Variants in WDPCP observed in about 807,000 individuals in gnomAD.
WDPCP encodes the protein WD repeat-containing and planar cell polarity effector protein fritz homolog.
WDPCP carries 71 observed loss-of-function variants against 93.1 expected under a neutral mutation model. The observed-to-expected ratio is 0.76, with a 90% confidence interval of 0.63 to 0.93. The LOEUF (loss-of-function observed/expected upper bound fraction) is 0.93, where lower values mean the gene tolerates loss of function less well. Among genes scored for constraint, WDPCP ranks in the 40% least tolerant of loss-of-function variants. The probability of loss-of-function intolerance (pLI) is 0.00; values close to 1 mark genes in which losing one functional copy is unlikely to be tolerated. For synonymous variants in WDPCP, 315 were observed against 315.0 expected (o/e 1.00, Z 0.00); for missense variants, 844 against 887.4 (o/e 0.95, Z 0.62).
At position 63,502,386 on chromosome 2, in the gene WDPCP, T is replaced by C. The variant is rs543788514; in HGVS notation, c.76-9446A>G. On this transcript the variant is annotated intron_variant, in intron 1 of 17. Coordinates refer to ENST00000272321, the MANE Select transcript of WDPCP (RefSeq NM_015910.7). ...TATACATACACACTTTACATTTTGA[T>C]AGGTATTGCCAAATTAGCCTCCAAA... 2.0e-5 allele frequency among the ~76,000 whole-genome samples: 3 copies of C among 152,370 alleles called. 1 individual carries two copies. Among genetic ancestry groups the C allele is most frequent in the African/African-American group, 7.2e-5 (3 of 41,592 alleles).
At chr2:63,462,309 T>C (rs1699069268) in intron 6 of WDPCP, among the ~76,000 whole-genome samples, 1 of 152,032 alleles carries the variant, frequency 6.6e-6, no homozygotes, top group South Asian at 2.1e-4. Context: ...ATGAGAATGC[T>C]TGGACACAGG....
chr2:63,588,605 T>C (rs1310867888), upstream of WDPCP: 3 of 506,426 alleles, frequency 5.9e-6, no homozygotes, highest in Non-Finnish European at 1.1e-5. Flanking sequence ...GCAGTCTCAG[T>C]CACGCGCGTG....
chr2:63,685,332 G>T (rs952613244), intron 2 of WDPCP, among the ~76,000 whole-genome samples: 1 of 152,132 alleles, frequency 6.6e-6, no homozygotes, highest in Admixed American at 6.5e-5. Flanking sequence ...AGCAACTTTT[G>T]TCACTAGATT....
At chr2:63,790,146 G>A (rs1177518448) in intron 2 of WDPCP, among the ~76,000 whole-genome samples, 1 of 152,172 alleles carries the variant, frequency 6.6e-6, no homozygotes, top group African/African-American at 2.4e-5. Context: ...TGAAGCACCA[G>A]CACCTAGATC....
At chr2:63,796,299 G>A (rs1406626612) in intron 2 of WDPCP, among the ~76,000 whole-genome samples, 1 of 152,208 alleles carries the variant, frequency 6.6e-6, no homozygotes, top group East Asian at 1.9e-4. Flanking sequence ...GCAGGAGGAG[G>A]TAGAGCAAGA....
At chr2:63,411,619 G>C (rs1360437258) in intron 9 of WDPCP, among the ~76,000 whole-genome samples, 2 of 152,094 alleles carry the variant, frequency 1.3e-5, no homozygotes, top group Admixed American at 1.3e-4. Flanking sequence ...CAATAAAAGT[G>C]ATAGACCATT....
intron 14 of WDPCP, among the ~76,000 whole-genome samples, chr2:63,206,528 C>CTGCAGCCT (rs1464397849): frequency 6.6e-6 from 1 of 152,088 alleles, no homozygotes; most frequent in Non-Finnish European, 1.5e-5. Flanking sequence ...TCATGGCTCA[C>CTGCAGCCT]TGCAGCCTTG....
At chr2:63,450,825 T>C (rs926385932) in intron 6 of WDPCP, among the ~76,000 whole-genome samples, 1 of 152,014 alleles carries the variant, frequency 6.6e-6, no homozygotes, top group Non-Finnish European at 1.5e-5. Context: ...ACCAAGAGAA[T>C]TGATATAACT....
intron 1 of WDPCP, among the ~76,000 whole-genome samples, chr2:63,826,318 A>G (rs1002361915): frequency 5.1e-4 from 77 of 151,320 alleles, no homozygotes; most frequent in Admixed American, 5.1e-3. Flanking sequence ...TGAAAAGGCC[A>G]CTCTGCCTCG....
intron 2 of WDPCP, among the ~76,000 whole-genome samples, chr2:63,783,505 G>A (rs1302846428): frequency 6.6e-6 from 1 of 152,076 alleles, no homozygotes; most frequent in African/African-American, 2.4e-5. Flanking sequence ...CAACAGCAAA[G>A]AAATGGAATC....
intron 1 of WDPCP, among the ~76,000 whole-genome samples, chr2:63,549,883 C>G (rs1050803112): frequency 6.6e-6 from 1 of 152,062 alleles, no homozygotes; most frequent in African/African-American, 2.4e-5. Context: ...TCTTGTTGCT[C>G]CAAATAGTAA....
chr2:63,373,254 G>GTTTTTTTTTTTTTTTTTTTTTTTTTTTT (rs70965124), intron 12 of WDPCP, among the ~76,000 whole-genome samples: 1 of 143,494 alleles, frequency 7.0e-6, no homozygotes, highest in Non-Finnish European at 1.5e-5. Flanking sequence ...TTTTTTTGTT[G>GTTTTTTTTTTTTTTTTTTTTTTTTTTTT]TTTTTTTTTT....
chr2:63,430,227 G>A (rs1272709977), intron 9 of WDPCP, among the ~76,000 whole-genome samples: 1 of 152,080 alleles, frequency 6.6e-6, no homozygotes, highest in Non-Finnish European at 1.5e-5. Flanking sequence ...AGTAGAGCAG[G>A]GAGAGAGGGA....
chr2:63,438,097 A>G, intron 7 of WDPCP: 2 of 986,148 alleles, frequency 2.0e-6, no homozygotes, highest in Non-Finnish European at 2.6e-6. Context: ...TTAATATCTA[A>G]TAATGAAAAT....
intron 2 of WDPCP, among the ~76,000 whole-genome samples, chr2:63,771,588 G>T (rs1670227134): frequency 6.6e-6 from 1 of 151,746 alleles, no homozygotes; most frequent in African/African-American, 2.4e-5. Flanking sequence ...TACATGTGCA[G>T]GTCTGGGTTA....
intron 13 of WDPCP, among the ~76,000 whole-genome samples, chr2:63,278,566 G>C (rs895100376): frequency 3.9e-5 from 6 of 152,192 alleles, no homozygotes; most frequent in Non-Finnish European, 7.3e-5. Context: ...GGTGGCTCAT[G>C]CCTGTAATCT....
chr2:63,339,479 A>C (rs1405744136), intron 12 of WDPCP, among the ~76,000 whole-genome samples: 1 of 151,966 alleles, frequency 6.6e-6, no homozygotes, highest in Non-Finnish European at 1.5e-5. Context: ...AGCCTGATTT[A>C]TTTTTTAGAT....
At chr2:63,323,759 G>T (rs963631969) in intron 12 of WDPCP, among the ~76,000 whole-genome samples, 1 of 151,994 alleles carries the variant, frequency 6.6e-6, no homozygotes, top group African/African-American at 2.4e-5. Flanking sequence ...ACAGGCAAGG[G>T]TGCAGGTTTT....
intron 2 of WDPCP, among the ~76,000 whole-genome samples, chr2:63,742,592 T>C (rs755474969): frequency 6.6e-6 from 1 of 151,266 alleles, no homozygotes; most frequent in Non-Finnish European, 1.5e-5. Flanking sequence ...CAGTCTGCCA[T>C]GCCTACAAGG....
Sources: allele counts gnomAD v4.1 joint callset (sites outside exome capture counted in the v4.1 genomes callset), GRCh38; gene constraint gnomAD v4.1.1; transcripts MANE v1.5; gene names NCBI Gene and HGNC (gene_info 2026-07-23, HGNC 2026-07-21).